Variants in POLR1E observed in about 807,000 individuals in gnomAD.
The protein encoded by POLR1E is RNA polymerase I subunit E.
POLR1E carries 37 observed loss-of-function variants against 50.9 expected under a neutral mutation model. The ratio of observed to expected loss-of-function variants is 0.73; its 90% CI spans 0.56 to 0.96. The LOEUF (loss-of-function observed/expected upper bound fraction) is 0.96. POLR1E is among the 40% of genes least tolerant of loss of function. The pLI is 0.00. For missense variants in POLR1E, 426 were observed against 518.1 expected (o/e 0.82, Z 1.73); for synonymous variants, 166 against 191.6 (o/e 0.87, Z 1.10).
intron 10 of POLR1E, among the ~76,000 whole-genome samples, chr9:37,501,125 C>A (rs1820880750): frequency 6.6e-6 from 1 of 152,302 alleles, no homozygotes; most frequent in African/African-American, 2.4e-5. Flanking sequence ...AAAAGTATTA[C>A]CTTTTGGGAA....
chr9:37,486,452 C>T, intron 1 of POLR1E: 2 of 1,549,948 alleles, frequency 1.3e-6, no homozygotes, highest in Non-Finnish European at 1.7e-6. Flanking sequence ...TGTACCAGGC[C>T]TCTGCTGTCA....
intron 10 of POLR1E, 41 bp from the exon 11 acceptor site, chr9:37,501,672 A>G (rs774591793): frequency 6.3e-7 from 1 of 1,596,060 alleles, no homozygotes; most frequent in Non-Finnish European, 8.5e-7. Flanking sequence ...ATTGTCTGAG[A>G]GTTTAATTTT....
At chr9:37,486,192 C>CCT in intron 1 of POLR1E, 69 bp downstream of exon 1, 1 of 1,485,968 alleles carries the variant, frequency 6.7e-7, no homozygotes, top group South Asian at 1.3e-5. Context: ...CCTCAGCTGT[C>CCT]CTCTCGCCCT....
At chr9:37,497,582 G>A (rs1820807500) in intron 8 of POLR1E, among the ~76,000 whole-genome samples, 1 of 152,224 alleles carries the variant, frequency 6.6e-6, no homozygotes, top group African/African-American at 2.4e-5. Flanking sequence ...ATTTACGTAA[G>A]TAATATCTGT....
intron 1 of POLR1E, 65 bp downstream of exon 1, chr9:37,486,188 C>G (rs1195287786): frequency 6.7e-7 from 1 of 1,496,986 alleles, no homozygotes; most frequent in Admixed American, 2.2e-5. Flanking sequence ...GGTACCTCAG[C>G]TGTCCTCTCG....
At chr9:37,494,811 G>A (rs7860245) in intron 6 of POLR1E, among the ~76,000 whole-genome samples, 9,674 of 152,254 alleles carry the variant, frequency 0.064, 1,022 homozygotes, top group African/African-American at 0.22. Context: ...TGTGTGGCAA[G>A]TTTTTCTAGA....
At position 37,493,656 on chromosome 9, in the gene POLR1E, C is replaced by T; in HGVS notation, c.500C>T (p.Ala167Val). The T allele has an allele frequency of 6.2e-7, 1 of 1,608,052 alleles. No homozygotes were observed. Residue 167 changes from alanine to valine, a missense_variant, in exon 6 of 12, where the codon GCA becomes GTA. By Grantham distance (64) the Ala-to-Val change is moderately conservative (BLOSUM62 0). Transcript: ENST00000377798. ...NRVGNESLNR[A>V]VAKAAETIID... is the part of the protein sequence containing the mutation. ...GTTGGCAATGAATCTTTGAATCGTG[C>T]AGTGGCTAAAGCTGCAGAGACTATC...
At chr9:37,489,550 G>A in intron 4 of POLR1E, 150 bp downstream of exon 4, 1 of 610,076 alleles carries the variant, frequency 1.6e-6, no homozygotes, top group East Asian at 3.2e-5. Context: ...TTGAGAAAAT[G>A]GTTTTTTATA....
At chr9:37,497,170 A>G (rs892740354) in intron 8 of POLR1E, among the ~76,000 whole-genome samples, 4 of 152,216 alleles carry the variant, frequency 2.6e-5, no homozygotes, top group African/African-American at 9.6e-5. Flanking sequence ...AGCGTGACCA[A>G]CATGGAGAAA....
rs1306443366 is a variant in POLR1E at position 37,495,982 on chromosome 9, A to T, written c.748A>T (p.Asn250Tyr). 1 of 1,612,468 alleles carries T rather than the reference A, an allele frequency of 6.2e-7. No individual in the cohort carries two copies. The highest frequency in any genetic ancestry group is 1.1e-5 in the South Asian group (1 of 91,020). Residue 250 changes from asparagine (N) to tyrosine (Y), a missense_variant, in exon 8 of 12, where the codon AAC becomes TAC. Asn to Tyr is a moderately radical substitution (Grantham distance 143). Coordinates refer to ENST00000377798, the MANE Select transcript of POLR1E (RefSeq NM_022490.4). ...SEEILKMIEENSHCTFVIEAL... is the reference protein window; with the variant it reads ...SEEILKMIEEYSHCTFVIEAL... ...AGAAATACTGAAGATGATTGAGGAGAACAGGTACCCTGACTTAAGCAGATG... is the reference window on the plus strand; with the variant it reads ...AGAAATACTGAAGATGATTGAGGAGTACAGGTACCCTGACTTAAGCAGATG...
At chr9:37,491,191 G>GCTT (rs1218135919) in intron 4 of POLR1E, among the ~76,000 whole-genome samples, 1 of 152,144 alleles carries the variant, frequency 6.6e-6, no homozygotes, top group African/African-American at 2.4e-5. Flanking sequence ...CACTCAAGGG[G>GCTT]CTTCTGTTCC....
rs10758433 is a variant in POLR1E at position 37,492,370 on chromosome 9, C to A, written c.344-287C>A. 2.0e-4 allele frequency: 248 copies of A among 1,230,920 alleles called. 1 individual carries two copies. In the African/African-American group the frequency reaches 3.5e-3, roughly 17 times the overall value. 76.2% of individuals were successfully genotyped at this position (1,230,920 alleles called of 1,614,324 possible). A position where few individuals can be genotyped will look rare whatever the true frequency, so the allele number is the denominator to read the frequency against. ...TCTCTGCCACTACCTGGTGAACTGACCTGGGGCAAGTAATTTCATCTGTGG... is the reference window on the plus strand; with the variant it reads ...TCTCTGCCACTACCTGGTGAACTGAACTGGGGCAAGTAATTTCATCTGTGG... On this transcript the variant is annotated intron_variant, in intron 4 of 11. Coordinates refer to ENST00000377798, the MANE Select transcript of POLR1E (RefSeq NM_022490.4).
chr9:37,498,796 A>G (rs542423363), intron 9 of POLR1E, among the ~76,000 whole-genome samples: 4 of 152,228 alleles, frequency 2.6e-5, no homozygotes, highest in Non-Finnish European at 5.9e-5. Context: ...TTTTAGGCAC[A>G]AGGTGTATTT....
intron 11 of POLR1E, among the ~76,000 whole-genome samples, chr9:37,502,323 C>CAAAGG (rs1430580783): frequency 6.6e-6 from 1 of 152,208 alleles, no homozygotes; most frequent in Non-Finnish European, 1.5e-5. Context: ...AGCTTCCTCA[C>CAAAGG]AATCAGATGG....
Position 37,486,120 on chromosome 9 carries a change from C to T in POLR1E, c.73C>T (p.Leu25=), listed in dbSNP as rs1320109201. The T allele has an allele frequency of 8.1e-6, 13 of 1,596,694 alleles. No individual in the cohort carries two copies. The highest frequency in any genetic ancestry group is 1.7e-4 in the Middle Eastern group (1 of 6,056). The part of the protein sequence containing the change: ...GAPDGSQRAV[L]VQFSNGKLQS... ...GCCCGACGGGAGCCAGAGAGCTGTA[C>T]TGGGTAAAGACTGCGGAGCTGGAGC... Residue 25 remains leucine, a synonymous_variant, in exon 1 of 12, where the codon CTG becomes TTG. Transcript: ENST00000377798.
rs372814625 is a variant in POLR1E at position 37,493,515 on chromosome 9, C to G, written c.403-44C>G. 3 of 1,485,838 alleles carry G rather than the reference C, an allele frequency of 2.0e-6. No homozygotes were observed. In the South Asian group the frequency reaches 4.2e-5, roughly 21 times the overall value. The allele number at this position is 1,485,838 out of a possible 1,614,324, so 92.0% of individuals were successfully genotyped here. A position where few individuals can be genotyped will look rare whatever the true frequency, so the allele number is the denominator to read the frequency against. On this transcript the variant is annotated intron_variant, in intron 5 of 11. Transcript: ENST00000377798. Reference sequence around the variant, plus strand: ...AGTGACACAGCTAGGAGGGGCAGCACCTACCTGTCCTGTCCCCAGTAACCA... The same window carrying G: ...AGTGACACAGCTAGGAGGGGCAGCAGCTACCTGTCCTGTCCCCAGTAACCA...
Position 37,492,686 on chromosome 9 carries a change from G to C in POLR1E, c.373G>C (p.Glu125Gln). 6.2e-7 allele frequency: 1 copy of C among 1,614,034 alleles called. No individual in the cohort carries two copies. Among genetic ancestry groups the C allele is most frequent in the South Asian group, 1.1e-5 (1 of 91,054 alleles). ...ATCAGTTGAGAGTGAACTGGCGCTAGAGAGTCAGACCAAAACTTACAGAGA... is the reference window on the plus strand; with the variant it reads ...ATCAGTTGAGAGTGAACTGGCGCTACAGAGTCAGACCAAAACTTACAGAGA... ...DVSVESELAL[E>Q]SQTKTYREKM... is the part of the protein sequence containing the mutation. The change falls in exon 5 of 12, where the codon GAG becomes CAG. Residue 125 changes from glutamate (E) to glutamine (Q), a missense_variant. Glu to Gln is a conservative substitution (Grantham distance 29). Coordinates refer to ENST00000377798, the MANE Select transcript of POLR1E (RefSeq NM_022490.4).
chr9:37,500,995 T>C, intron 10 of POLR1E, 74 bp downstream of exon 10: 2 of 1,359,066 alleles, frequency 1.5e-6, no homozygotes, highest in East Asian at 2.3e-5. Flanking sequence ...GAGCAGGGGC[T>C]TGGACTCAAT....
At chr9:37,493,500 C>A in intron 5 of POLR1E, 59 bp from the exon 6 acceptor site, 1 of 1,393,982 alleles carries the variant, frequency 7.2e-7, no homozygotes, top group Non-Finnish European at 9.6e-7. Context: ...AGTGACACAG[C>A]TAGGAGGGGC....
Sources: gnomAD v4.1 joint callset for allele counts (sites outside exome capture counted in the v4.1 genomes callset) on GRCh38, gnomAD v4.1.1 for gene constraint, MANE v1.5 for transcripts, NCBI Gene and HGNC (gene_info 2026-07-23, HGNC 2026-07-21) for gene names.